The following PARD3B variants were observed in gnomAD, a reference collection of about 807,000 sequenced individuals.
PARD3B encodes the protein partitioning defective 3 homolog B.
A neutral mutation model predicts 130.2 loss-of-function variants in PARD3B; 103 were observed. The ratio of observed to expected loss-of-function variants is 0.79; its 90% CI spans 0.67 to 0.93. The LOEUF is 0.93. Among genes scored for constraint, PARD3B ranks in the 40% least tolerant of loss-of-function variants. The pLI is 0.00. For synonymous variants in PARD3B, 583 were observed against 553.2 expected (o/e 1.05, Z -0.76); for missense variants, 1,609 against 1,499.2 (o/e 1.07, Z -1.21).
rs577841989 is a variant in PARD3B at position 204,648,579 on chromosome 2, ATATAT to A, written c.121-37591_121-37587del. Among the ~76,000 whole-genome samples, 571 of 128,454 alleles carry A rather than the reference ATATAT, an allele frequency of 4.4e-3. 8 individuals carry two copies. The highest frequency in any genetic ancestry group is 0.016 in the African/African-American group (518 of 33,376). 84.3% of individuals were successfully genotyped at this position (128,454 alleles called of 152,430 possible). On this transcript the variant is annotated intron_variant, in intron 1 of 22. Transcript: ENST00000406610. ...AAATATATAAATATAAATATATATT[ATATAT>A]TATATTATATATAATATATTTATAT...
chr2:205,544,107 A>G (rs908872188), intron 21 of PARD3B, among the ~76,000 whole-genome samples: 1 of 152,212 alleles, frequency 6.6e-6, no homozygotes, highest in Non-Finnish European at 1.5e-5. Context: ...GAATACATCC[A>G]TGAAACAGAA....
intron 3 of PARD3B, among the ~76,000 whole-genome samples, chr2:204,970,997 T>G (rs941742943): frequency 1.3e-5 from 2 of 152,226 alleles, no homozygotes; most frequent in Admixed American, 1.3e-4. Flanking sequence ...GATTATGTGT[T>G]TGTTATAATA....
chr2:205,552,097 G>T (rs10206517), intron 21 of PARD3B, among the ~76,000 whole-genome samples: 133,441 of 152,204 alleles, frequency 0.88, 60,692 homozygotes, highest in Non-Finnish European at 0.99. Context: ...ACAATATCTT[G>T]TCATTAAGAA....
intron 2 of PARD3B, among the ~76,000 whole-genome samples, chr2:204,924,728 A>G (rs1687456144): frequency 6.6e-6 from 1 of 152,092 alleles, no homozygotes; most frequent in African/African-American, 2.4e-5. Context: ...ATTTAATGTA[A>G]AAGTTGGAAG....
intron 20 of PARD3B, among the ~76,000 whole-genome samples, chr2:205,496,073 G>A (rs1029523821): frequency 6.6e-6 from 1 of 152,060 alleles, no homozygotes; most frequent in Non-Finnish European, 1.5e-5. Context: ...AGTGGAGTAA[G>A]TAAAAGTATA....
chr2:205,195,484 A>G (rs2036633111), intron 15 of PARD3B, among the ~76,000 whole-genome samples: 1 of 152,202 alleles, frequency 6.6e-6, no homozygotes, highest in Non-Finnish European at 1.5e-5. Context: ...CCTTCTCCCC[A>G]GAACAGTCAA....
At chr2:205,347,028 T>C (rs2043820281) in intron 18 of PARD3B, among the ~76,000 whole-genome samples, 1 of 152,340 alleles carries the variant, frequency 6.6e-6, no homozygotes, top group South Asian at 2.1e-4. Flanking sequence ...TGTAAGCACA[T>C]TGCCTTCCAC....
At chr2:204,867,386 G>T (rs983440720) in intron 2 of PARD3B, among the ~76,000 whole-genome samples, 6 of 152,146 alleles carry the variant, frequency 3.9e-5, no homozygotes, top group African/African-American at 1.4e-4. Flanking sequence ...ATATATTTCT[G>T]CATTGTTGTG....
chr2:205,476,024 A>C (rs1401375583), intron 20 of PARD3B, among the ~76,000 whole-genome samples: 2 of 152,196 alleles, frequency 1.3e-5, no homozygotes, highest in African/African-American at 4.8e-5. Context: ...TTGTGATCAC[A>C]GTCGCTGTCA....
Position 205,176,537 on chromosome 2 carries a change from G to A in PARD3B, c.1884G>A (p.Leu628=). 1 of 1,611,778 alleles carries A rather than the reference G, an allele frequency of 6.2e-7. No homozygotes were observed. The highest frequency in any genetic ancestry group is 8.5e-7 in the Non-Finnish European group (1 of 1,178,708). ...TTSRRNDNSI[L]HPLGTCSPQD... is the part of the protein sequence containing the mutation. ...CTAGGCGAAATGATAATAGTATCCT[G>A]CATCCACTTGGCACTTGCAGTCCAC... is the stretch of plus-strand genomic sequence containing the variant. The change falls in exon 13 of 23, where the codon CTG becomes CTA. Residue 628 remains leucine, a synonymous_variant. Transcript: ENST00000406610. The surrounding 1 kb of genome is among the most constrained non-coding windows in gnomAD (Gnocchi z 5.3).
chr2:205,205,036 G>C (rs965210201), intron 15 of PARD3B, among the ~76,000 whole-genome samples: 29 of 152,132 alleles, frequency 1.9e-4, no homozygotes, highest in African/African-American at 7.0e-4. Context: ...AAATTACTTT[G>C]GGCAGTATGG....
intron 21 of PARD3B, among the ~76,000 whole-genome samples, chr2:205,523,711 A>T (rs1157992015): frequency 6.6e-6 from 1 of 152,018 alleles, no homozygotes; most frequent in Non-Finnish European, 1.5e-5. Context: ...AATGTGACAT[A>T]GATCCTACTA....
At position 204,677,164 on chromosome 2, in the gene PARD3B, C is replaced by T. The variant is rs547260669; in HGVS notation, c.121-9017C>T. On this transcript the variant is annotated intron_variant, in intron 1 of 22. Transcript: ENST00000406610. This position sits in a 1 kb window ranked among gnomAD's most constrained non-coding sequence, Gnocchi z 4.1. The stretch of plus-strand genomic sequence containing the variant: ...GTCTCAGTTCTCATGTACTTATTTA[C>T]GGAGGTCTAAGTGTTTAAGGTAAAA... 7.2e-5 allele frequency among the ~76,000 whole-genome samples: 11 copies of T among 152,254 alleles called. No individual in the cohort carries two copies. The highest frequency in any genetic ancestry group is 2.1e-4 in the South Asian group (1 of 4,828).
intron 8 of PARD3B, among the ~76,000 whole-genome samples, chr2:205,123,679 G>T (rs866699598): frequency 2.6e-4 from 39 of 150,660 alleles, no homozygotes; most frequent in South Asian, 4.2e-4. Flanking sequence ...AAAAATAAGT[G>T]GTGGGAATCA....
intron 2 of PARD3B, among the ~76,000 whole-genome samples, chr2:204,737,254 G>A (rs1312189198): frequency 6.6e-6 from 1 of 152,190 alleles, no homozygotes; most frequent in Non-Finnish European, 1.5e-5. Flanking sequence ...ATGAGCCACT[G>A]CGTCCCACTG....
intron 2 of PARD3B, among the ~76,000 whole-genome samples, chr2:204,923,298 AGTT>A (rs2047754845): frequency 6.6e-6 from 1 of 151,994 alleles, no homozygotes; most frequent in African/African-American, 2.4e-5. Context: ...TTAATTGTTC[AGTT>A]GTTTTGCTTT....
intron 2 of PARD3B, among the ~76,000 whole-genome samples, chr2:204,950,409 A>T (rs1689673558): frequency 2.0e-5 from 3 of 152,162 alleles, no homozygotes; most frequent in Admixed American, 1.3e-4. Flanking sequence ...GTGAGCCCAG[A>T]TTTGGACTGA....
chr2:205,257,580 ATTCT>A (rs1192697761), intron 16 of PARD3B, among the ~76,000 whole-genome samples: 1 of 152,204 alleles, frequency 6.6e-6, no homozygotes, highest in Non-Finnish European at 1.5e-5. Context: ...ATGGGCAAAC[ATTCT>A]TTATTTTGAA....
intron 16 of PARD3B, among the ~76,000 whole-genome samples, chr2:205,262,479 TC>T (rs755984931): frequency 6.6e-6 from 1 of 152,082 alleles, no homozygotes; most frequent in Non-Finnish European, 1.5e-5. Context: ...ATTTGGATCA[TC>T]TCCCAGATTA....
Sources: allele counts gnomAD v4.1 joint callset (sites outside exome capture counted in the v4.1 genomes callset), GRCh38; gene constraint gnomAD v4.1.1; non-coding constraint Gnocchi (gnomAD v3.1); transcripts MANE v1.5; gene names NCBI Gene and HGNC (gene_info 2026-07-23, HGNC 2026-07-21).